Variants in SLC4A4 observed in about 807,000 individuals in gnomAD.
SLC4A4 encodes solute carrier family 4 member 4, also known as electrogenic sodium bicarbonate cotransporter 1.
SLC4A4 carries 27 observed loss-of-function variants against 111.5 expected under a neutral mutation model. That is an observed-to-expected ratio of 0.24 (90% confidence interval 0.18 to 0.33). The LOEUF (loss-of-function observed/expected upper bound fraction) is 0.33. SLC4A4 is among the 10% of genes least tolerant of loss of function. SLC4A4 has a pLI of 1.00. For missense variants in SLC4A4, 909 were observed against 1,315.5 expected, an observed-to-expected ratio of 0.69 and a Z score of 4.78; for synonymous variants, 443 against 463.4, an observed-to-expected ratio of 0.96 and a Z score of 0.57.
intron 2 of SLC4A4, among the ~76,000 whole-genome samples, chr4:71,119,245 A>G (rs1743351454): frequency 6.6e-6 from 1 of 152,160 alleles, no homozygotes; most frequent in Non-Finnish European, 1.5e-5. Context: ...TAAGAAATAT[A>G]TCCCACTATT....
chr4:71,174,644 A>G (rs539776701), intron 2 of SLC4A4, among the ~76,000 whole-genome samples: 1 of 152,354 alleles, frequency 6.6e-6, no homozygotes, highest in South Asian at 2.1e-4. Context: ...GTCTTCTCAG[A>G]AAGAGATATT....
chr4:71,075,647 C>T (rs927435017), intron 1 of SLC4A4, among the ~76,000 whole-genome samples: 2 of 152,126 alleles, frequency 1.3e-5, no homozygotes, highest in African/African-American at 4.8e-5. Flanking sequence ...GGTCTCCGCT[C>T]AAATGTCTTG....
chr4:71,146,630 T>C (rs1162619968), intron 2 of SLC4A4, among the ~76,000 whole-genome samples: 3 of 152,174 alleles, frequency 2.0e-5, no homozygotes, highest in Non-Finnish European at 4.4e-5. Flanking sequence ...ATCTGGGTGC[T>C]CCTGTATTGG....
At chr4:71,316,525 A>G (rs2148861754) in intron 3 of SLC4A4, among the ~76,000 whole-genome samples, 1 of 152,228 alleles carries the variant, frequency 6.6e-6, no homozygotes, top group African/African-American at 2.4e-5. Context: ...GTGGTTTTTG[A>G]AAATTACTTA....
At chr4:71,525,793 T>G (rs940835953) in intron 16 of SLC4A4, among the ~76,000 whole-genome samples, 1 of 152,128 alleles carries the variant, frequency 6.6e-6, no homozygotes, top group Admixed American at 6.6e-5. Flanking sequence ...GACTTTCTAA[T>G]TTGATATCTT....
chr4:71,412,073 G>A (rs1488339091), intron 7 of SLC4A4, among the ~76,000 whole-genome samples: 1 of 152,176 alleles, frequency 6.6e-6, no homozygotes, highest in Non-Finnish European at 1.5e-5. Context: ...ACACAAAACT[G>A]CCATCTAAAA....
intron 16 of SLC4A4, among the ~76,000 whole-genome samples, chr4:71,498,854 A>C (rs886856255): frequency 2.0e-5 from 3 of 152,148 alleles, no homozygotes; most frequent in African/African-American, 7.2e-5. Context: ...CATACAAAAA[A>C]ACACACTCTC....
intron 1 of SLC4A4, among the ~76,000 whole-genome samples, chr4:71,233,913 T>G (rs538500328): frequency 6.8e-4 from 104 of 152,314 alleles, no homozygotes; most frequent in African/African-American, 2.5e-3. Flanking sequence ...CCGTAACACC[T>G]AAAATTCTGA....
intron 2 of SLC4A4, among the ~76,000 whole-genome samples, chr4:71,250,859 G>T (rs1248344196): frequency 2.0e-5 from 3 of 152,166 alleles, no homozygotes; most frequent in Admixed American, 6.5e-5. Context: ...GGGGTTTTAT[G>T]AAGAGAACAC....
At chr4:71,359,980 T>A (rs1335258111) in intron 6 of SLC4A4, among the ~76,000 whole-genome samples, 1 of 152,196 alleles carries the variant, frequency 6.6e-6, no homozygotes, top group East Asian at 1.9e-4. Flanking sequence ...TGTACTGGAG[T>A]CAGCTCTAAT....
At chr4:71,450,565 ATT>A in intron 10 of SLC4A4, 22 bp downstream of exon 10, 1 of 1,609,286 alleles carries the variant, frequency 6.2e-7, no homozygotes, top group Non-Finnish European at 8.5e-7. Flanking sequence ...GCAGTTGATA[ATT>A]TTCAGTAGCT....
In SLC4A4 at chr4:71,178,073, A is replaced by G. The variant is rs1443701565; in HGVS notation, c.-1-58503A>G. 2.0e-5 allele frequency among the ~76,000 whole-genome samples: 3 copies of G among 152,216 alleles called. 1 individual carries two copies. Among genetic ancestry groups the G allele is most frequent in the African/African-American group, 7.2e-5 (3 of 41,464 alleles). On this transcript the variant is annotated intron_variant, in intron 2 of 26. Transcript: ENST00000649996. ...TGGAAACTGAACAACCTGCTCCTGAATGACTACTGGGTACATAACGAAATG... is the reference window on the plus strand; with the variant it reads ...TGGAAACTGAACAACCTGCTCCTGAGTGACTACTGGGTACATAACGAAATG...
chr4:71,308,112 C>G (rs1017531188), intron 3 of SLC4A4, among the ~76,000 whole-genome samples: 2 of 152,138 alleles, frequency 1.3e-5, no homozygotes, highest in Non-Finnish European at 2.9e-5. Flanking sequence ...AGTCTTCTTT[C>G]TCTTCTCTTG....
chr4:71,323,092 T>C (rs753288014), intron 3 of SLC4A4, among the ~76,000 whole-genome samples: 6 of 151,982 alleles, frequency 3.9e-5, no homozygotes, highest in Non-Finnish European at 5.9e-5. Context: ...GTTTCAAATA[T>C]TGTAAGGAAG....
chr4:71,450,695 C>T, intron 10 of SLC4A4, 152 bp downstream of exon 10: 1 of 717,206 alleles, frequency 1.4e-6, no homozygotes, highest in Non-Finnish European at 2.4e-6. Context: ...CACTTATGTG[C>T]CTTGGTTTCA....
intron 18 of SLC4A4, among the ~76,000 whole-genome samples, chr4:71,539,039 T>A (rs2149221988): frequency 6.6e-6 from 1 of 152,234 alleles, no homozygotes; most frequent in Middle Eastern, 3.4e-3. Flanking sequence ...GATAGATATC[T>A]AGAAATAGAT....
intron 16 of SLC4A4, among the ~76,000 whole-genome samples, chr4:71,516,148 T>C (rs1732374122): frequency 1.6e-5 from 2 of 122,578 alleles, no homozygotes; most frequent in Non-Finnish European, 3.2e-5. Context: ...CAGGCTGGAG[T>C]GCAGTGGCAT....
At chr4:71,240,022 A>G (rs1720081394) in intron 2 of SLC4A4, among the ~76,000 whole-genome samples, 2 of 152,204 alleles carry the variant, frequency 1.3e-5, no homozygotes, top group South Asian at 4.1e-4. Context: ...AGTGTTGACC[A>G]CGAGGAACAA....
At chr4:71,295,639 C>T (rs1168245727) in intron 3 of SLC4A4, among the ~76,000 whole-genome samples, 1 of 150,798 alleles carries the variant, frequency 6.6e-6, no homozygotes, top group Admixed American at 6.6e-5. Flanking sequence ...CCTTTCCTCT[C>T]CTCTCCTCTC....
Sources: allele counts gnomAD v4.1 joint callset (sites outside exome capture counted in the v4.1 genomes callset), GRCh38; gene constraint gnomAD v4.1.1; transcripts MANE v1.5; gene names NCBI Gene and HGNC (gene_info 2026-07-23, HGNC 2026-07-21).